SIL1: variants seen among roughly 807,000 people sequenced by gnomAD.
SIL1 encodes the protein SIL1 nucleotide exchange factor.
A neutral mutation model predicts 49.1 loss-of-function variants in SIL1; 40 were observed. The ratio of observed to expected loss-of-function variants is 0.81; its 90% CI spans 0.63 to 1.06. The LOEUF is 1.06. SIL1 is among the 50% of genes least tolerant of loss of function. The pLI is 0.00. For missense variants in SIL1, 500 were observed against 572.6 expected (o/e 0.87, Z 1.29); for synonymous variants, 253 against 250.8 (o/e 1.01, Z -0.08).
intron 3 of SIL1, among the ~76,000 whole-genome samples, chr5:139,081,981 C>A (rs1770090869): frequency 6.6e-6 from 1 of 152,050 alleles, no homozygotes; most frequent in Non-Finnish European, 1.5e-5. Context: ...GACTTCTAAT[C>A]TTTAACAGCA....
At chr5:139,135,448 C>T (rs1299853332) in intron 1 of SIL1, among the ~76,000 whole-genome samples, 3 of 152,152 alleles carry the variant, frequency 2.0e-5, no homozygotes, top group Non-Finnish European at 2.9e-5. Context: ...ACAAAATCCA[C>T]CGTGCAGCCT....
At chr5:139,135,163 C>G (rs569115046) in intron 1 of SIL1, among the ~76,000 whole-genome samples, 29 of 152,258 alleles carry the variant, frequency 1.9e-4, no homozygotes, top group Middle Eastern at 6.8e-3. Flanking sequence ...AGTCTTTGAA[C>G]AGCAAAACAA....
chr5:139,186,197 T>C (rs565650201), intron 1 of SIL1, among the ~76,000 whole-genome samples: 1 of 152,276 alleles, frequency 6.6e-6, no homozygotes, highest in East Asian at 1.9e-4. Context: ...TTGCTTTTCA[T>C]AGCCCAGTGA....
rs74905323 is a variant in SIL1 at position 139,106,609 on chromosome 5, T to C, written c.244+14426A>G. ...CTGAGGGTAAATGCTTGTAAGGGAG[T>C]TGTGTGCTAGAATGAAAGACTCTAT... On this transcript the variant is annotated intron_variant, in intron 3 of 9. Transcript: ENST00000394817. 6.0e-3 allele frequency among the ~76,000 whole-genome samples: 912 copies of C among 152,046 alleles called. 4 individuals carry two copies. Among genetic ancestry groups the C allele is most frequent in the African/African-American group, 0.02 (839 of 41,442 alleles).
At chr5:139,002,269 G>A (rs1244844307) in intron 7 of SIL1, among the ~76,000 whole-genome samples, 4 of 151,872 alleles carry the variant, frequency 2.6e-5, no homozygotes. Context: ...TACCTCCGGG[G>A]GTGAACAAAG....
chr5:138,965,388 G>C (rs548795803), intron 7 of SIL1, among the ~76,000 whole-genome samples: 1 of 152,234 alleles, frequency 6.6e-6, no homozygotes, highest in South Asian at 2.1e-4. Context: ...AGACAATTCT[G>C]TCTTTCAGGG....
Position 138,947,243 on chromosome 5 carries a change from C to T in SIL1, c.1260G>A (p.Arg420=). The change falls in exon 10 of 10, where the codon AGG becomes AGA. Residue 420 remains arginine (R), a synonymous_variant. Transcript: ENST00000394817. The surrounding 1 kb of genome is among the most constrained non-coding windows in gnomAD (Gnocchi z 4.1). ...DRYRQDPQLG[R]TLASLQAEYQ... ...ACTCAGCCTGCAGGCTGGCCAGTGT[C>T]CTGCCGAGCTGGGGGTCCTGACGGT... The T allele has an allele frequency of 2.5e-6, 4 of 1,613,500 alleles. No individual in the cohort carries two copies. Among genetic ancestry groups the T allele is most frequent in the Non-Finnish European group, 3.4e-6 (4 of 1,179,990 alleles).
chr5:139,104,007 T>C (rs909663839), intron 3 of SIL1, among the ~76,000 whole-genome samples: 3 of 152,172 alleles, frequency 2.0e-5, no homozygotes, highest in Non-Finnish European at 4.4e-5. Context: ...TCTAGACACA[T>C]CTACACAGAC....
At chr5:139,158,378 GA>G (rs1193006255) in intron 1 of SIL1, among the ~76,000 whole-genome samples, 1 of 152,240 alleles carries the variant, frequency 6.6e-6, no homozygotes, top group African/African-American at 2.4e-5. Context: ...ATTCTGTCTA[GA>G]AAATTTCTTC....
At chr5:139,048,737 C>T (rs1769225135) in intron 4 of SIL1, among the ~76,000 whole-genome samples, 1 of 152,160 alleles carries the variant, frequency 6.6e-6, no homozygotes. Context: ...ACTTGGATTA[C>T]ATGTGAGAAA....
intron 1 of SIL1, among the ~76,000 whole-genome samples, chr5:139,195,128 C>T (rs1286186660): frequency 1.3e-5 from 2 of 151,878 alleles, no homozygotes; most frequent in Non-Finnish European, 2.9e-5. Flanking sequence ...GACGGGGTTT[C>T]TCCATGTTGG....
At chr5:138,963,109 C>T (rs756144260) in intron 7 of SIL1, among the ~76,000 whole-genome samples, 1 of 152,148 alleles carries the variant, frequency 6.6e-6, no homozygotes, top group Non-Finnish European at 1.5e-5. Flanking sequence ...GTCTTCTATA[C>T]TCAGTTGGTG....
chr5:139,154,578 A>C (rs1751371570), intron 1 of SIL1, among the ~76,000 whole-genome samples: 1 of 152,224 alleles, frequency 6.6e-6, no homozygotes, highest in Non-Finnish European at 1.5e-5. Flanking sequence ...ACTGATAAGA[A>C]GGAAACCAGG....
chr5:139,146,154 T>C (rs746573078), intron 1 of SIL1, among the ~76,000 whole-genome samples: 15 of 152,228 alleles, frequency 9.9e-5, no homozygotes, highest in Non-Finnish European at 2.1e-4. Context: ...TTCTGCTGTA[T>C]ATATTTTATC....
chr5:139,039,387 C>G (rs1344826491), intron 5 of SIL1, among the ~76,000 whole-genome samples: 1 of 152,166 alleles, frequency 6.6e-6, no homozygotes, highest in Non-Finnish European at 1.5e-5. Flanking sequence ...TTTTCATTAT[C>G]TTTGGCAGGA....
chr5:139,118,380 T>A (rs1180739755), intron 3 of SIL1, among the ~76,000 whole-genome samples: 2 of 152,234 alleles, frequency 1.3e-5, no homozygotes, highest in Admixed American at 6.5e-5. Context: ...AGCTGTGTAC[T>A]GAGTGATTTC....
chr5:139,094,468 T>C (rs1040739400), intron 3 of SIL1, among the ~76,000 whole-genome samples: 1 of 152,134 alleles, frequency 6.6e-6, no homozygotes, highest in Non-Finnish European at 1.5e-5. Flanking sequence ...GATTAAATAA[T>C]AAGTGCTAAG....
intron 5 of SIL1, among the ~76,000 whole-genome samples, chr5:139,032,386 G>A (rs1215264268): frequency 3.9e-5 from 6 of 152,186 alleles, no homozygotes; most frequent in Admixed American, 1.3e-4. Context: ...TTTGTACACT[G>A]AACCAGCCTT....
Position 139,015,392 on chromosome 5 carries a change from A to G in SIL1, c.767+5779T>C, listed in dbSNP as rs549031922. Among the ~76,000 whole-genome samples the G allele has an allele frequency of 1.1e-4, 16 of 152,378 alleles. No homozygotes were observed. The South Asian group carries it at 3.3e-3, about 32-fold the overall frequency. The stretch of plus-strand genomic sequence containing the variant: ...ATTTTGGAAATATCCAGATGAATTC[A>G]TATCAATATGAATATATGCTCAGTT... On this transcript the variant is annotated intron_variant, in intron 7 of 9. Transcript: ENST00000394817.
Sources: allele counts gnomAD v4.1 joint callset (sites outside exome capture counted in the v4.1 genomes callset), GRCh38; gene constraint gnomAD v4.1.1; non-coding constraint Gnocchi (gnomAD v3.1); transcripts MANE v1.5; gene names NCBI Gene and HGNC (gene_info 2026-07-23, HGNC 2026-07-21).